The following KANK1 variants were observed in gnomAD, a reference collection of about 807,000 sequenced individuals.
The protein encoded by KANK1 is KN motif and ankyrin repeat domains 1, also known as KN motif and ankyrin repeat domain-containing protein 1.
A neutral mutation model predicts 106.2 loss-of-function variants in KANK1; 109 were observed. The ratio of observed to expected loss-of-function variants is 1.03; its 90% CI spans 0.88 to 1.20. The LOEUF (loss-of-function observed/expected upper bound fraction) is 1.20. Ranked by LOEUF, KANK1 falls within the 50% of genes most tolerant of loss-of-function variation. KANK1 has a pLI of 0.00. For synonymous variants in KANK1, 873 were observed against 652.2 expected (o/e 1.34, Z -5.16); for missense variants, 2,399 against 1,710.7 (o/e 1.40, Z -7.10).
At chr9:710,746 A>C in intron 2 of KANK1, 58 bp from the exon 3 acceptor site, 1 of 1,464,944 alleles carries the variant, frequency 6.8e-7, no homozygotes, top group Non-Finnish European at 9.2e-7. Context: ...CACAAATATT[A>C]GTTTTTACCA....
At chr9:724,054 T>C (rs1830050950) in intron 3 of KANK1, among the ~76,000 whole-genome samples, 1 of 149,326 alleles carries the variant, frequency 6.7e-6, no homozygotes, top group Admixed American at 6.6e-5. Flanking sequence ...TGAGCAGAGA[T>C]CACGCCACTG....
chr9:652,903 C>A (rs538827800), intron 1 of KANK1, among the ~76,000 whole-genome samples: 12 of 152,210 alleles, frequency 7.9e-5, no homozygotes, highest in East Asian at 7.7e-4. Flanking sequence ...AAGTAGCCAC[C>A]CTGGGAGCTG....
At chr9:499,025 A>G (rs2058504067) in intron 3 of KANK1, among the ~76,000 whole-genome samples, 1 of 152,072 alleles carries the variant, frequency 6.6e-6, no homozygotes, top group Admixed American at 6.6e-5. Flanking sequence ...AAAATAAAAA[A>G]AAATTAGCCA....
Position 688,863 on chromosome 9 carries a change from G to A in KANK1, c.37+11854G>A, listed in dbSNP as rs553320973. On this transcript the variant is annotated intron_variant, in intron 2 of 11. Coordinates refer to ENST00000382297, the MANE Select transcript of KANK1 (RefSeq NM_015158.5). ...TCTGGTGCAGCTTGGTGGGCTGGTT[G>A]CAACCGTAGGTAAGAACCTGAGCTG... Among the ~76,000 whole-genome samples the A allele has an allele frequency of 2.5e-4, 38 of 152,280 alleles. No homozygotes were observed. The South Asian group carries it at 7.7e-3, about 31-fold the overall frequency.
At chr9:667,974 A>C (rs955406672) in intron 1 of KANK1, among the ~76,000 whole-genome samples, 1 of 151,784 alleles carries the variant, frequency 6.6e-6, no homozygotes, top group Non-Finnish European at 1.5e-5. Context: ...CAGATGATCC[A>C]CCCACCTCAG....
At chr9:475,768 A>G (rs986403940) in intron 3 of KANK1, among the ~76,000 whole-genome samples, 14 of 152,216 alleles carry the variant, frequency 9.2e-5, no homozygotes, top group African/African-American at 2.9e-4. Context: ...TCTGTAAAGA[A>G]TCTCTGTTAA....
chr9:621,985 T>C lies in KANK1; in HGVS notation c.-83-54905T>C, dbSNP rs541044113. Among the ~76,000 whole-genome samples the C allele has an allele frequency of 3.3e-4, 51 of 152,276 alleles. 2 individuals carry two copies. In the South Asian group the frequency reaches 0.01, roughly 30 times the overall value. On this transcript the variant is annotated intron_variant, in intron 1 of 11. Coordinates refer to ENST00000382297, the MANE Select transcript of KANK1 (RefSeq NM_015158.5). ...AAGGAGGGAAGAGGAGAAGAAAAGA[T>C]ACTAAGTTTGGTTTTCATTAAAAAT...
intron 1 of KANK1, among the ~76,000 whole-genome samples, chr9:596,640 A>G (rs1478709186): frequency 2.0e-5 from 3 of 151,784 alleles, no homozygotes; most frequent in Admixed American, 6.5e-5. Flanking sequence ...TCGTTATGTC[A>G]TGGTAAAGTA....
intron 3 of KANK1, among the ~76,000 whole-genome samples, chr9:714,546 T>C (rs1012685862): frequency 1.3e-5 from 2 of 151,836 alleles, no homozygotes; most frequent in Admixed American, 1.3e-4. Flanking sequence ...TTAGTAGAGA[T>C]AGGGTTTCAC....
chr9:545,821 C>G (rs908793707), intron 1 of KANK1, among the ~76,000 whole-genome samples: 1 of 148,746 alleles, frequency 6.7e-6, no homozygotes, highest in African/African-American at 2.5e-5. Context: ...TCTCGGCTCA[C>G]TGCAACCTCT....
At chr9:613,481 G>C (rs550993048) in intron 1 of KANK1, among the ~76,000 whole-genome samples, 2 of 151,998 alleles carry the variant, frequency 1.3e-5, no homozygotes, top group African/African-American at 4.8e-5. Flanking sequence ...AAGCTCATAA[G>C]CTATCATTAG....
chr9:717,186 G>C (rs1176419464), intron 3 of KANK1, among the ~76,000 whole-genome samples: 2 of 151,804 alleles, frequency 1.3e-5, no homozygotes, highest in Non-Finnish European at 2.9e-5. Context: ...TCAGGAGGCT[G>C]AGGTGGGAAG....
At chr9:743,697 C>G (rs1836344085) in intron 10 of KANK1, among the ~76,000 whole-genome samples, 1 of 151,840 alleles carries the variant, frequency 6.6e-6, no homozygotes, top group African/African-American at 2.4e-5. Flanking sequence ...AGACTCCCAT[C>G]TCTACAAAAA....
chr9:507,825 G>A (rs1006002127), intron 1 of KANK1, among the ~76,000 whole-genome samples: 2 of 152,012 alleles, frequency 1.3e-5, no homozygotes, highest in African/African-American at 4.8e-5. Context: ...CAAAGTGTCA[G>A]GATTACAGGT....
intron 1 of KANK1, among the ~76,000 whole-genome samples, chr9:564,515 G>A (rs531051951): frequency 6.6e-6 from 1 of 152,204 alleles, no homozygotes; most frequent in Non-Finnish European, 1.5e-5. Flanking sequence ...TATATGTTCA[G>A]ATTGTTTTAT....
chr9:608,267 G>A (rs918807954), intron 1 of KANK1, among the ~76,000 whole-genome samples: 24 of 150,950 alleles, frequency 1.6e-4, no homozygotes, highest in Non-Finnish European at 3.4e-4. Flanking sequence ...TCGATCTCCT[G>A]ACCTCATGAT....
Position 559,626 on chromosome 9 carries a change from G to A in KANK1, c.-84+54872G>A, listed in dbSNP as rs1295530250. ...AATTTCTGATTTGTAGACTTCTGTTGACAATCTTTCAAGACGGGAGAAGGG... is the reference window on the plus strand; with the variant it reads ...AATTTCTGATTTGTAGACTTCTGTTAACAATCTTTCAAGACGGGAGAAGGG... On this transcript the variant is annotated intron_variant, in intron 1 of 11. Coordinates refer to ENST00000382297, the MANE Select transcript of KANK1 (RefSeq NM_015158.5). 3.3e-5 allele frequency among the ~76,000 whole-genome samples: 5 copies of A among 152,190 alleles called. No individual in the cohort carries two copies. In the East Asian group the frequency reaches 7.7e-4, roughly 23 times the overall value.
At chr9:576,549 C>G (rs1820611953) in intron 1 of KANK1, among the ~76,000 whole-genome samples, 1 of 152,184 alleles carries the variant, frequency 6.6e-6, no homozygotes, top group Non-Finnish European at 1.5e-5. Flanking sequence ...TAGTTGTAAT[C>G]TCAGTCTTGA....
intron 1 of KANK1, among the ~76,000 whole-genome samples, chr9:645,743 G>A (rs1839529790): frequency 1.3e-5 from 2 of 150,664 alleles, no homozygotes; most frequent in Non-Finnish European, 2.9e-5. Flanking sequence ...TTAGCCGGGT[G>A]TGGTGGTGGC....
Sources: allele counts gnomAD v4.1 joint callset (sites outside exome capture counted in the v4.1 genomes callset), GRCh38; gene constraint gnomAD v4.1.1; transcripts MANE v1.5; gene names NCBI Gene and HGNC (gene_info 2026-07-23, HGNC 2026-07-21).